The following UNC5C variants were observed in gnomAD, a reference collection of about 807,000 sequenced individuals.
UNC5C encodes unc-5 netrin receptor C, also known as netrin receptor UNC5C.
In UNC5C, 47 loss-of-function variants were observed where a neutral mutation model predicts 99.8. That is an observed-to-expected ratio of 0.47 (90% CI 0.37 to 0.60). The LOEUF is 0.60. Among genes scored for constraint, UNC5C ranks in the 20% least tolerant of loss-of-function variants. The pLI, the probability that UNC5C is intolerant of heterozygous loss-of-function variation, is 0.00. For missense variants in UNC5C, 1,062 were observed against 1,165.9 expected, an observed-to-expected ratio of 0.91 and a Z score of 1.30; for synonymous variants, 487 against 452.2, an observed-to-expected ratio of 1.08 and a Z score of -0.98.
At chr4:95,218,468 A>G (rs550669304) in intron 9 of UNC5C, among the ~76,000 whole-genome samples, 40 of 152,352 alleles carry the variant, frequency 2.6e-4, no homozygotes, top group Non-Finnish European at 3.8e-4. Context: ...TACACTATCA[A>G]TACTGTGAGG....
At chr4:95,537,848 G>C (rs1722820926) in intron 1 of UNC5C, among the ~76,000 whole-genome samples, 2 of 152,028 alleles carry the variant, frequency 1.3e-5, no homozygotes, top group African/African-American at 4.8e-5. Context: ...ACAGTGTTTG[G>C]GGTGGGGGGA....
chr4:95,315,420 G>T (rs1283188935), intron 2 of UNC5C, among the ~76,000 whole-genome samples: 3 of 151,980 alleles, frequency 2.0e-5, no homozygotes, highest in African/African-American at 7.3e-5. Context: ...TTCTACACTA[G>T]CATTACAAAG....
intron 1 of UNC5C, among the ~76,000 whole-genome samples, chr4:95,397,543 T>G (rs1745550778): frequency 6.6e-6 from 1 of 152,238 alleles, no homozygotes; most frequent in Admixed American, 6.5e-5. Context: ...ATAATTAATT[T>G]TTTACGTACA....
At chr4:95,222,111 C>T in intron 7 of UNC5C, 1 of 789,008 alleles carries the variant, frequency 1.3e-6, no homozygotes, top group East Asian at 3.1e-5. Context: ...CTCCTATTTC[C>T]TGTGTGCACA....
intron 1 of UNC5C, among the ~76,000 whole-genome samples, chr4:95,477,224 T>C (rs578068122): frequency 1.3e-5 from 2 of 152,170 alleles, no homozygotes; most frequent in African/African-American, 4.8e-5. Flanking sequence ...CAAGTGATTT[T>C]CTTATTCCTT....
intron 12 of UNC5C, among the ~76,000 whole-genome samples, chr4:95,192,281 A>ACCT (rs149831809): frequency 0.08 from 4,340 of 54,128 alleles, 213 homozygotes; most frequent in African/African-American, 0.19. Context: ...TCTTCTGCCC[A>ACCT]CCTCTTCTCA....
At chr4:95,232,709 C>T (rs1341097171) in intron 7 of UNC5C, among the ~76,000 whole-genome samples, 1 of 152,142 alleles carries the variant, frequency 6.6e-6, no homozygotes, top group African/African-American at 2.4e-5. Context: ...CTAACCACAT[C>T]CCTGCTTTCA....
At chr4:95,202,275 C>A (rs1293465094) in intron 12 of UNC5C, among the ~76,000 whole-genome samples, 1 of 152,162 alleles carries the variant, frequency 6.6e-6, no homozygotes. Context: ...CTCATTTATT[C>A]TGCAAAGCAG....
intron 1 of UNC5C, among the ~76,000 whole-genome samples, chr4:95,352,867 C>T: frequency 6.6e-6 from 1 of 152,120 alleles, no homozygotes; most frequent in East Asian, 1.9e-4. Flanking sequence ...AGATTTTCTT[C>T]TCTCAACTCC....
chr4:95,473,717 T>C (rs182667756), intron 1 of UNC5C, among the ~76,000 whole-genome samples: 1 of 152,174 alleles, frequency 6.6e-6, no homozygotes, highest in African/African-American at 2.4e-5. Context: ...ATGTGGAATT[T>C]AGTCAAGAAA....
intron 1 of UNC5C, among the ~76,000 whole-genome samples, chr4:95,341,425 T>C (rs1396319169): frequency 2.0e-5 from 3 of 150,212 alleles, no homozygotes; most frequent in Non-Finnish European, 4.4e-5. Flanking sequence ...TTTGGCCAGT[T>C]TGTGTAGAAT....
chr4:95,469,268 C>G (rs540150186), intron 1 of UNC5C, among the ~76,000 whole-genome samples: 17 of 152,266 alleles, frequency 1.1e-4, no homozygotes, highest in Admixed American at 2.6e-4. Context: ...CTGTTGCCAC[C>G]TGGTCAACTG....
At chr4:95,544,633 G>A (rs951440106) in intron 1 of UNC5C, among the ~76,000 whole-genome samples, 1 of 152,186 alleles carries the variant, frequency 6.6e-6, no homozygotes, top group Non-Finnish European at 1.5e-5. Flanking sequence ...AGCCTAGGAT[G>A]CAATATGAGT....
In UNC5C at chr4:95,169,235, T is replaced by A. The variant is rs1049058813; in HGVS notation, c.2795A>T (p.Ter932LeuextTer8). 1 of 1,614,018 alleles carries A rather than the reference T, an allele frequency of 6.2e-7. No individual in the cohort carries two copies. The highest frequency in any genetic ancestry group is 1.3e-5 in the African/African-American group (1 of 75,032). Reference sequence around the variant, plus strand: ...TCATTTCCCCTTCCAGCATGGTGGTTAATACTGCCCTTCTGCTGCTAAGGA... The same window carrying A: ...TCATTTCCCCTTCCAGCATGGTGGTAAATACTGCCCTTCTGCTGCTAAGGA... ...VVSLAAEGQY[*>L] is the part of the protein sequence containing the mutation. The change falls in exon 16 of 16, where the codon TAA becomes TTA. Residue 932 changes from the stop codon to leucine (L), a stop_lost. Transcript: ENST00000453304.
At chr4:95,451,025 T>C (rs1331066365) in intron 1 of UNC5C, among the ~76,000 whole-genome samples, 1 of 152,222 alleles carries the variant, frequency 6.6e-6, no homozygotes, top group African/African-American at 2.4e-5. Context: ...GTATTCATAC[T>C]GATTCCATAC....
At chr4:95,473,192 C>T (rs1748028541) in intron 1 of UNC5C, among the ~76,000 whole-genome samples, 1 of 152,080 alleles carries the variant, frequency 6.6e-6, no homozygotes, top group Non-Finnish European at 1.5e-5. Flanking sequence ...TTACAACTTC[C>T]TCTTGGAATG....
At chr4:95,440,682 A>C (rs1197035298) in intron 1 of UNC5C, among the ~76,000 whole-genome samples, 1 of 146,950 alleles carries the variant, frequency 6.8e-6, no homozygotes, top group Non-Finnish European at 1.5e-5. Flanking sequence ...CCTGACACCG[A>C]AAAAAAAAGC....
rs371494271 is a variant in UNC5C, at chr4:95,201,826, G to C, written c.2136+905C>G. On this transcript the variant is annotated intron_variant, in intron 12 of 15. Transcript: ENST00000453304. Reference sequence around the variant, plus strand: ...TCACCGTGTTAGCCAGGATGGTCTTGATCTCCTGACCTCGTGATCCACCCG... The same window carrying C: ...TCACCGTGTTAGCCAGGATGGTCTTCATCTCCTGACCTCGTGATCCACCCG... Among the ~76,000 whole-genome samples, 200 of 152,190 alleles carry C rather than the reference G, an allele frequency of 1.3e-3. 1 individual carries two copies. In the Middle Eastern group the frequency reaches 0.014, roughly 10 times the overall value.
chr4:95,313,502 T>C (rs1742347655), intron 2 of UNC5C, among the ~76,000 whole-genome samples: 1 of 152,164 alleles, frequency 6.6e-6, no homozygotes, highest in South Asian at 2.1e-4. Context: ...AAGAGCAATA[T>C]CCTTATTGAC....
Sources: gnomAD v4.1 joint callset for allele counts (sites outside exome capture counted in the v4.1 genomes callset) on GRCh38, gnomAD v4.1.1 for gene constraint, MANE v1.5 for transcripts, NCBI Gene and HGNC (gene_info 2026-07-23, HGNC 2026-07-21) for gene names.